ACTR3: variants seen among roughly 807,000 people sequenced by gnomAD.
The protein encoded by ACTR3 is actin-related protein 3.
Under a neutral mutation model 56.8 loss-of-function variants are expected in ACTR3, and 12 were observed. The observed-to-expected ratio is 0.21, with a 90% CI of 0.14 to 0.34. The LOEUF (loss-of-function observed/expected upper bound fraction) is 0.34, where lower values mean the gene tolerates loss of function less well. Ranked by LOEUF, ACTR3 falls within the 10% of genes least tolerant of loss-of-function variation. The probability of loss-of-function intolerance (pLI) is 1.00; values close to 1 mark genes in which losing one functional copy is unlikely to be tolerated. For synonymous variants in ACTR3, 162 were observed against 167.4 expected, an observed-to-expected ratio of 0.97 and a Z score of 0.25; for missense variants, 282 against 512.5, an observed-to-expected ratio of 0.55 and a Z score of 4.34.
In ACTR3 at chr2:113,959,775, T is replaced by C. The variant is rs1680293478; in HGVS notation, c.*2320T>C. 1 of 152,060 alleles carries C rather than the reference T, an allele frequency of 6.6e-6. No individual in the cohort carries two copies. Among genetic ancestry groups the C allele is most frequent in the Admixed American group, 6.6e-5 (1 of 15,240 alleles). 9.4% of individuals were successfully genotyped at this position (152,060 alleles called of 1,614,324 possible). A position where few individuals can be genotyped will look rare whatever the true frequency, so the allele number is the denominator to read the frequency against. Reference sequence around the variant, plus strand: ...GAACTAAATAGTCTGTAACATTGATTAGATATCAAGCAACGTGAGCATGGT... The same window carrying C: ...GAACTAAATAGTCTGTAACATTGATCAGATATCAAGCAACGTGAGCATGGT... On this transcript the variant is annotated 3_prime_UTR_variant, in exon 12 of 12. Transcript: ENST00000263238.
chr2:113,890,716 G>A (rs1028110428), intron 1 of ACTR3: 21 of 1,090,216 alleles, frequency 1.9e-5, no homozygotes, highest in Non-Finnish European at 1.9e-5. Flanking sequence ...GTCGGTTTGG[G>A]GACCCAGGGG....
chr2:113,921,128 T>G (rs1390378393), intron 3 of ACTR3, among the ~76,000 whole-genome samples: 1 of 152,134 alleles, frequency 6.6e-6, no homozygotes, highest in Non-Finnish European at 1.5e-5. Flanking sequence ...TGCCAGCATT[T>G]GTGATTTTTT....
chr2:113,895,723 G>T (rs1226008501), intron 1 of ACTR3, among the ~76,000 whole-genome samples: 1 of 152,048 alleles, frequency 6.6e-6, no homozygotes, highest in East Asian at 1.9e-4. Flanking sequence ...TTTATTTACG[G>T]GTAGCAAAGG....
At chr2:113,917,196 C>A (rs1277357443) in intron 3 of ACTR3, among the ~76,000 whole-genome samples, 188 bp downstream of exon 3, 1 of 151,524 alleles carries the variant, frequency 6.6e-6, no homozygotes, top group Non-Finnish European at 1.5e-5. Context: ...TTTAATAACC[C>A]CTAAGAGGAA....
At chr2:113,934,232 G>GTTTTTTTTTTTTTTTTTTTTTTTTTTTT (rs5833524) in intron 5 of ACTR3, 47 bp from the exon 6 acceptor site, 14 of 955,182 alleles carry the variant, frequency 1.5e-5, no homozygotes, top group South Asian at 6.9e-5. Context: ...TTGTTTTTTT[G>GTTTTTTTTTTTTTTTTTTTTTTTTTTTT]TTTTTTTTTT....
chr2:113,910,125 A>G (rs558544716), intron 1 of ACTR3, among the ~76,000 whole-genome samples: 55 of 152,264 alleles, frequency 3.6e-4, no homozygotes, highest in African/African-American at 1.3e-3. Flanking sequence ...AGACCAAGGC[A>G]TGATTAGTGA....
intron 8 of ACTR3, among the ~76,000 whole-genome samples, chr2:113,949,588 GTCTC>G (rs551616763): frequency 2.0e-5 from 3 of 152,094 alleles, no homozygotes; most frequent in South Asian, 2.1e-4. Flanking sequence ...TAGAGACAGA[GTCTC>G]TCTCTGTCAC....
chr2:113,893,092 A>C (rs746167996), intron 1 of ACTR3, among the ~76,000 whole-genome samples: 4 of 152,184 alleles, frequency 2.6e-5, no homozygotes, highest in African/African-American at 9.7e-5. Context: ...GGGCACATAG[A>C]TTCCCATTGG....
At chr2:113,890,938 A>G (rs1678881657) in intron 1 of ACTR3, among the ~76,000 whole-genome samples, 1 of 152,094 alleles carries the variant, frequency 6.6e-6, no homozygotes, top group Admixed American at 6.5e-5. Flanking sequence ...TCTGCGTTTT[A>G]ACCGGTGAAC....
chr2:113,925,186 C>T (rs1182066087), intron 3 of ACTR3, among the ~76,000 whole-genome samples: 2 of 139,880 alleles, frequency 1.4e-5, no homozygotes, highest in African/African-American at 2.8e-5. Context: ...CGTGAGCCAT[C>T]GTGCCACCTT....
At chr2:113,897,044 G>A (rs576987972) in intron 1 of ACTR3, among the ~76,000 whole-genome samples, 1 of 152,224 alleles carries the variant, frequency 6.6e-6, no homozygotes, top group South Asian at 2.1e-4. Context: ...TTGTAATTCT[G>A]TTGGAGCTTG....
intron 1 of ACTR3, chr2:113,890,925 C>G (rs1275966631): frequency 5.6e-6 from 2 of 356,274 alleles, no homozygotes; most frequent in African/African-American, 2.2e-5. Context: ...ATTTCCATCT[C>G]CCTCTGCGTT....
intron 1 of ACTR3, among the ~76,000 whole-genome samples, chr2:113,911,283 TTTTG>T (rs150009387): frequency 2.6e-3 from 389 of 151,284 alleles, no homozygotes; most frequent in African/African-American, 9.1e-3. Context: ...CAAGGAAATT[TTTTG>T]TTTTTCGTTT....
chr2:113,932,378 T>C (rs1267799865), intron 5 of ACTR3, among the ~76,000 whole-genome samples: 2 of 152,196 alleles, frequency 1.3e-5, no homozygotes, highest in African/African-American at 4.8e-5. Flanking sequence ...CATCTTTCAC[T>C]TGGGAGTTTT....
At chr2:113,942,949 T>C (rs1679952142) in intron 8 of ACTR3, among the ~76,000 whole-genome samples, 1 of 152,248 alleles carries the variant, frequency 6.6e-6, no homozygotes, top group Non-Finnish European at 1.5e-5. Flanking sequence ...ACTCTGCTTA[T>C]TTAATGTTAA....
At chr2:113,913,748 C>T (rs1271681570) in intron 2 of ACTR3, among the ~76,000 whole-genome samples, 1 of 152,164 alleles carries the variant, frequency 6.6e-6, no homozygotes, top group African/African-American at 2.4e-5. Flanking sequence ...TGTTGTATGT[C>T]TTTAGAGTAT....
chr2:113,952,113 A>G (rs1680131505), intron 10 of ACTR3: 1 of 324,020 alleles, frequency 3.1e-6, no homozygotes, highest in Non-Finnish European at 5.7e-6. Flanking sequence ...GATAATTAAT[A>G]TAGTAGATTT....
At chr2:113,929,735 G>A (rs1679684690) in intron 4 of ACTR3, among the ~76,000 whole-genome samples, 1 of 151,932 alleles carries the variant, frequency 6.6e-6, no homozygotes, top group South Asian at 2.1e-4. Context: ...GGAGTGCAGT[G>A]GTGTGATCTT....
intron 10 of ACTR3, chr2:113,953,962 C>T (rs1176212816): frequency 6.6e-6 from 1 of 152,158 alleles, no homozygotes; most frequent in Non-Finnish European, 1.5e-5. Context: ...CAGTCTGTTA[C>T]ATACTCAATG....
Sources: gnomAD v4.1 joint callset for allele counts (sites outside exome capture counted in the v4.1 genomes callset) on GRCh38, gnomAD v4.1.1 for gene constraint, MANE v1.5 for transcripts, NCBI Gene and HGNC (gene_info 2026-07-23, HGNC 2026-07-21) for gene names.